The following SYNM variants were observed in gnomAD, a reference collection of about 807,000 sequenced individuals.
SYNM encodes the protein synemin.
A neutral mutation model predicts 104.0 loss-of-function variants in SYNM; 95 were observed. That is an observed-to-expected ratio of 0.91 (90% CI 0.77 to 1.08). The LOEUF (loss-of-function observed/expected upper bound fraction) is 1.08, where lower values mean the gene tolerates loss of function less well. Ranked by LOEUF, SYNM falls within the 50% of genes least tolerant of loss-of-function variation. SYNM has a pLI of 0.00. For synonymous variants in SYNM, 918 were observed against 869.0 expected, an observed-to-expected ratio of 1.06 and a Z score of -0.99; for missense variants, 2,150 against 2,052.2, an observed-to-expected ratio of 1.05 and a Z score of -0.92.
Position 99,131,022 on chromosome 15 carries a change from G to T in SYNM, c.2662G>T (p.Val888Leu), listed in dbSNP as rs1555485733. ...QKDGAVGEKVVKPLDVPAPSL... is the reference protein window; with the variant it reads ...QKDGAVGEKVLKPLDVPAPSL... ...GGACGGTGCAGTGGGCGAGAAGGTT[G>T]TGAAGCCCTTGGATGTCCCAGCGCC... is the stretch of plus-strand genomic sequence containing the variant. Residue 888 changes from valine (V) to leucine (L), a missense_variant, in exon 4 of 4, where the codon GTG becomes TTG. By Grantham distance (32) the Val-to-Leu change is conservative. Coordinates refer to ENST00000336292, the MANE Select transcript of SYNM (RefSeq NM_145728.3). This position sits in a 1 kb window ranked among gnomAD's most constrained non-coding sequence, Gnocchi z 4.3. 1.2e-6 allele frequency: 2 copies of T among 1,612,530 alleles called. No homozygotes were observed. The highest frequency in any genetic ancestry group is 2.2e-5 in the East Asian group (1 of 44,844).
intron 1 of SYNM, among the ~76,000 whole-genome samples, chr15:99,108,731 G>A (rs2067272530): frequency 6.6e-6 from 1 of 152,170 alleles, no homozygotes; most frequent in Non-Finnish European, 1.5e-5. Context: ...TGATTAGTAA[G>A]TAGTTAAGCC....
Position 99,132,483 on chromosome 15 carries a change from G to A in SYNM, c.4123G>A (p.Val1375Ile). The A allele has an allele frequency of 6.2e-7, 1 of 1,614,056 alleles. No individual in the cohort carries two copies. The highest frequency in any genetic ancestry group is 8.5e-7 in the Non-Finnish European group (1 of 1,179,912). Residue 1375 changes from valine to isoleucine, a missense_variant, in exon 4 of 4, where the codon GTC becomes ATC. By Grantham distance (29) the Val-to-Ile change is conservative. Coordinates refer to ENST00000336292, the MANE Select transcript of SYNM (RefSeq NM_145728.3). ...VMTEKSTFQS[V>I]VSESPQEDSA... ...GACTGAAAAGAGCACCTTCCAAAGTGTCGTTTCTGAATCTCCCCAGGAGGA... is the reference window on the plus strand; with the variant it reads ...GACTGAAAAGAGCACCTTCCAAAGTATCGTTTCTGAATCTCCCCAGGAGGA...
At chr15:99,139,284 G>A, downstream of SYNM, 1 of 1,605,514 alleles carries the variant, frequency 6.2e-7, no homozygotes. Context: ...GAAAGGGAAT[G>A]AGATAGAGAA....
the SYNM span, among the ~76,000 whole-genome samples, chr15:99,141,203 T>C: frequency 1.2e-4 from 19 of 152,190 alleles, no homozygotes; most frequent in Admixed American, 2.0e-4. Flanking sequence ...AACTGTGATA[T>C]GTATATATTA....
Position 99,132,700 on chromosome 15 carries a change from C to T in SYNM, c.4340C>T (p.Thr1447Met), listed in dbSNP as rs781787123. Reference sequence around the variant, plus strand: ...GGCAAGTTAGCAGACAGCAGCAGAACGCTAAGGCACATTGCACCAGGGCCC... The same window carrying T: ...GGCAAGTTAGCAGACAGCAGCAGAATGCTAAGGCACATTGCACCAGGGCCC... ...ELGKLADSSR[T>M]LRHIAPGPKE... Residue 1447 changes from threonine (T) to methionine (M), a missense_variant, in exon 4 of 4, where the codon ACG (threonine) becomes ATG (methionine). Thr to Met is a moderately conservative substitution (Grantham distance 81, BLOSUM62 -1). Transcript: ENST00000336292. The T allele has an allele frequency of 7.4e-6, 12 of 1,613,998 alleles. No individual in the cohort carries two copies. The highest frequency in any genetic ancestry group is 4.5e-5 in the East Asian group (2 of 44,894).
the SYNM span, among the ~76,000 whole-genome samples, chr15:99,141,680 G>C: frequency 1.3e-5 from 2 of 152,116 alleles, no homozygotes; most frequent in African/African-American, 4.8e-5. Flanking sequence ...ACCATTTTTA[G>C]GTCTTCAAGA....
Position 99,129,694 on chromosome 15 carries a change from T to G in SYNM, c.1334T>G (p.Phe445Cys). Residue 445 changes from phenylalanine (F) to cysteine (C), a missense_variant, in exon 4 of 4, where the codon TTC (phenylalanine) becomes TGC (cysteine). Phe to Cys is a radical substitution (Grantham distance 205). Transcript: ENST00000336292. ...AATACTGAGGCTCAAGTGAAAACATTCCCTGACAGACCAAAAGCCGGAGAT... is the reference window on the plus strand; with the variant it reads ...AATACTGAGGCTCAAGTGAAAACATGCCCTGACAGACCAAAAGCCGGAGAT... Reference protein sequence around the residue: ...LRNTEAQVKTFPDRPKAGDTR... With the variant: ...LRNTEAQVKTCPDRPKAGDTR... 6.2e-7 allele frequency: 1 copy of G among 1,613,656 alleles called. No homozygotes were observed. The highest frequency in any genetic ancestry group is 8.5e-7 in the Non-Finnish European group (1 of 1,179,836).
chr15:99,115,005 C>G (rs930805180), intron 2 of SYNM, among the ~76,000 whole-genome samples: 1 of 152,192 alleles, frequency 6.6e-6, no homozygotes, highest in Non-Finnish European at 1.5e-5. Context: ...CCACTATTCT[C>G]TGCTCCGAGT....
chr15:99,108,595 G>A (rs141559202), intron 1 of SYNM, among the ~76,000 whole-genome samples: 11 of 152,280 alleles, frequency 7.2e-5, no homozygotes, highest in Middle Eastern at 3.4e-3. Context: ...CAAGTGCTTC[G>A]TGTGTGCCAG....
At chr15:99,129,036 T>G in intron 3 of SYNM, 1 of 229,680 alleles carries the variant, frequency 4.4e-6, no homozygotes, top group South Asian at 9.7e-5. Context: ...ATTGTGAAAT[T>G]TCAGCCACAA....
In SYNM at chr15:99,134,887, G is replaced by C. The variant is rs1265985943; in HGVS notation, c.*1829G>C. ...TAGTGATTGTCAGACTGGTATGGAG[G>C]TGACTGCTTTGTAAGGTTTTGTCGT... On this transcript the variant is annotated 3_prime_UTR_variant, in exon 4 of 4. Coordinates refer to ENST00000336292, the MANE Select transcript of SYNM (RefSeq NM_145728.3). The C allele has an allele frequency of 6.6e-6, 1 of 152,248 alleles. No homozygotes were observed. Among genetic ancestry groups the C allele is most frequent in the Non-Finnish European group, 1.5e-5 (1 of 68,048 alleles). 9.4% of individuals were successfully genotyped at this position (152,248 alleles called of 1,614,324 possible). A position where few individuals can be genotyped will look rare whatever the true frequency, so the allele number is the denominator to read the frequency against.
rs1555485822 is a variant in SYNM, at chr15:99,131,291, T to G, written c.2931T>G (p.Gly977=). The G allele has an allele frequency of 3.1e-6, 5 of 1,611,504 alleles. No homozygotes were observed. The highest frequency in any genetic ancestry group is 4.5e-5 in the East Asian group (2 of 44,786). Residue 977 remains glycine (G), a synonymous_variant, in exon 4 of 4, where the codon GGT becomes GGG. Transcript: ENST00000336292. The surrounding 1 kb of genome is among the most constrained non-coding windows in gnomAD (Gnocchi z 4.3). ...CCGCCCTCACCAGAGAGGGGCAGGG[T>G]GGGCCGGGGAGCGTTTCCGTGGATG... ...ELSALTREGQ[G]GPGSVSVDVK... is the part of the protein sequence containing the mutation.
At position 99,105,786 on chromosome 15, in the gene SYNM, G is replaced by T. The variant is rs373403078; in HGVS notation, c.587G>T (p.Arg196Leu). 123 of 1,541,568 alleles carry T rather than the reference G, an allele frequency of 8.0e-5. No individual in the cohort carries two copies. In the African/African-American group the frequency reaches 1.6e-3, roughly 20 times the overall value. The change falls in exon 1 of 4, where the codon CGG (arginine) becomes CTG (leucine). Residue 196 changes from arginine to leucine, a missense_variant. Transcript: ENST00000336292. ...GCACTGCTGGTGGCCGAGTCGTGGCGGGAGACGGTGCAGCTGTACGAGGAC... is the reference window on the plus strand; with the variant it reads ...GCACTGCTGGTGGCCGAGTCGTGGCTGGAGACGGTGCAGCTGTACGAGGAC... ...SYALLVAESWRETVQLYEDEV... is the reference protein window; with the variant it reads ...SYALLVAESWLETVQLYEDEV...
intron 1 of SYNM, among the ~76,000 whole-genome samples, chr15:99,110,454 A>G (rs782730347): frequency 1.3e-5 from 2 of 152,212 alleles, no homozygotes; most frequent in African/African-American, 2.4e-5. Flanking sequence ...ATTGTAAAAT[A>G]TAACTTGAGT....
intron 2 of SYNM, among the ~76,000 whole-genome samples, chr15:99,124,678 G>C (rs1325778232): frequency 2.0e-5 from 3 of 152,212 alleles, no homozygotes; most frequent in Non-Finnish European, 4.4e-5. Context: ...TATCGCAGGG[G>C]AGGGGGCTGA....
In SYNM at chr15:99,115,488, G is replaced by A. The variant is rs1555483844; in HGVS notation, c.935+1773G>A. The stretch of plus-strand genomic sequence containing the variant: ...TATTCTATTTTTTTTTTTTTGAGAT[G>A]GAGTCTTGCTCCATCTCCTAGGCTG... On this transcript the variant is annotated intron_variant, in intron 2 of 3. Transcript: ENST00000336292. Among the ~76,000 whole-genome samples the A allele has an allele frequency of 2.7e-5, 3 of 109,254 alleles. No homozygotes were observed. In the South Asian group the frequency reaches 8.4e-4, roughly 31 times the overall value. 71.7% of individuals were successfully genotyped at this position (109,254 alleles called of 152,430 possible).
Position 99,130,817 on chromosome 15 carries a change from A to G in SYNM, c.2457A>G (p.Thr819=). ...ACACGACTCACGTGGAAGAAGTGACAGAGGCAGGTGATTCAGAGGGCGAGC... is the reference window on the plus strand; with the variant it reads ...ACACGACTCACGTGGAAGAAGTGACGGAGGCAGGTGATTCAGAGGGCGAGC... ...QENTTHVEEV[T]EAGDSEGEQS... is the part of the protein sequence containing the mutation. Residue 819 remains threonine, a synonymous_variant, in exon 4 of 4, where the codon ACA becomes ACG. Coordinates refer to ENST00000336292, the MANE Select transcript of SYNM (RefSeq NM_145728.3). The G allele has an allele frequency of 6.2e-7, 1 of 1,614,052 alleles. No homozygotes were observed. The highest frequency in any genetic ancestry group is 1.1e-5 in the South Asian group (1 of 91,082).
At chr15:99,121,030 G>A (rs1456401647) in intron 2 of SYNM, among the ~76,000 whole-genome samples, 1 of 152,152 alleles carries the variant, frequency 6.6e-6, no homozygotes, top group Non-Finnish European at 1.5e-5. Context: ...ATTTGCAAAG[G>A]GATGTGGGGT....
intron 2 of SYNM, among the ~76,000 whole-genome samples, chr15:99,115,764 G>C (rs1262820364): frequency 6.6e-6 from 1 of 152,180 alleles, no homozygotes; most frequent in African/African-American, 2.4e-5. Context: ...GCCCGGCCCT[G>C]ATCAGGATTT....
Sources: gnomAD v4.1 joint callset for allele counts (sites outside exome capture counted in the v4.1 genomes callset) on GRCh38, gnomAD v4.1.1 for gene constraint, Gnocchi (gnomAD v3.1) non-coding constraint, MANE v1.5 for transcripts, NCBI Gene and HGNC (gene_info 2026-07-23, HGNC 2026-07-21) for gene names.